The following TANC1 variants were observed in gnomAD, a reference collection of about 807,000 sequenced individuals.
TANC1 encodes the protein protein TANC1.
TANC1 carries 77 observed loss-of-function variants against 149.7 expected under a neutral mutation model. The observed-to-expected ratio is 0.51, with a 90% confidence interval of 0.43 to 0.62. The LOEUF is 0.62. Among genes scored for constraint, TANC1 ranks in the 20% least tolerant of loss-of-function variants. The pLI is 0.00. For synonymous variants in TANC1, 854 were observed against 925.0 expected, an observed-to-expected ratio of 0.92 and a Z score of 1.39; for missense variants, 1,985 against 2,321.8, an observed-to-expected ratio of 0.85 and a Z score of 2.98.
In TANC1 at chr2:159,224,229, C is replaced by T. The variant is rs929783212; in HGVS notation, c.3679-3C>T. On this transcript the variant is annotated splice_region_variant and splice_polypyrimidine_tract_variant and intron_variant, in intron 22 of 26. Coordinates refer to ENST00000263635, the MANE Select transcript of TANC1 (RefSeq NM_033394.3). ...GCTGCTTAGGCTTCTGCTGTCTCTG[C>T]AGGTGCTGTACCTGGTGGAGAAGGG... is the stretch of plus-strand genomic sequence containing the variant. The T allele has an allele frequency of 1.2e-6, 2 of 1,614,118 alleles. No individual in the cohort carries two copies. The highest frequency in any genetic ancestry group is 1.7e-6 in the Non-Finnish European group (2 of 1,180,022).
At chr2:159,036,492 A>T (rs1339000645) in intron 2 of TANC1, among the ~76,000 whole-genome samples, 1 of 152,030 alleles carries the variant, frequency 6.6e-6, no homozygotes, top group East Asian at 1.9e-4. Flanking sequence ...TATCTCTCCT[A>T]ATGCCATCCC....
chr2:159,190,616 A>C (rs1259469678), intron 16 of TANC1, among the ~76,000 whole-genome samples: 2 of 152,120 alleles, frequency 1.3e-5, no homozygotes, highest in Non-Finnish European at 2.9e-5. Context: ...CAATGGCGTG[A>C]TCTTGGCTCA....
At chr2:159,062,993 A>AAAAAAG (rs2042372105) in intron 2 of TANC1, among the ~76,000 whole-genome samples, 1 of 148,036 alleles carries the variant, frequency 6.8e-6, no homozygotes, top group Non-Finnish European at 1.5e-5. Context: ...AAAAAAAAAA[A>AAAAAAG]AAGAAAGCAA....
intron 19 of TANC1, among the ~76,000 whole-genome samples, chr2:159,209,318 G>T (rs1021351812): frequency 2.0e-5 from 3 of 152,216 alleles, no homozygotes; most frequent in African/African-American, 7.2e-5. Flanking sequence ...CTTTGTAGAG[G>T]TGAAAAATTT....
chr2:159,055,956 A>C (rs1277844008), intron 2 of TANC1: 2 of 227,726 alleles, frequency 8.8e-6, no homozygotes, highest in African/African-American at 4.6e-5. Context: ...CTAGGGACGG[A>C]TGAAACAAAA....
intron 2 of TANC1, among the ~76,000 whole-genome samples, chr2:159,028,425 CTTTACTG>C (rs1224396620): frequency 7.9e-5 from 12 of 152,072 alleles, no homozygotes; most frequent in Admixed American, 1.3e-4. Context: ...CGGGCCTATT[CTTTACTG>C]TTTATACTTC....
At chr2:159,197,142 TA>T (rs554635148) in intron 18 of TANC1, among the ~76,000 whole-genome samples, 141 of 152,366 alleles carry the variant, frequency 9.3e-4, no homozygotes, top group African/African-American at 3.2e-3. Context: ...TGTGTTCATT[TA>T]AAAATAATCA....
chr2:159,164,868 A>G (rs1167667220), intron 8 of TANC1, among the ~76,000 whole-genome samples: 1 of 152,178 alleles, frequency 6.6e-6, no homozygotes, highest in African/African-American at 2.4e-5. Flanking sequence ...GTTCCAGAAG[A>G]GGGATTTGGC....
rs142756329 is a variant in TANC1, at chr2:159,173,690, T to C, written c.1504-1263T>C. Among the ~76,000 whole-genome samples the C allele has an allele frequency of 3.9e-3, 595 of 152,288 alleles. 2 individuals carry two copies. Among genetic ancestry groups the C allele is most frequent in the African/African-American group, 0.014 (578 of 41,554 alleles). On this transcript the variant is annotated intron_variant, in intron 11 of 26. Coordinates refer to ENST00000263635, the MANE Select transcript of TANC1 (RefSeq NM_033394.3). ...TTTTGTCAAATGCCATGTGAGACTG[T>C]GGTACTGGACATCTCATGATGGTTT... is the stretch of plus-strand genomic sequence containing the variant.
At chr2:159,153,579 C>T (rs765490385) in intron 7 of TANC1, among the ~76,000 whole-genome samples, 3 of 152,296 alleles carry the variant, frequency 2.0e-5, no homozygotes, top group East Asian at 1.9e-4. Flanking sequence ...CCAAGGGACA[C>T]GCTGGAGGTG....
At chr2:159,222,723 ACCCTGTTTT>A (rs1360007938) in intron 22 of TANC1, among the ~76,000 whole-genome samples, 6 of 152,080 alleles carry the variant, frequency 3.9e-5, no homozygotes, top group Non-Finnish European at 5.9e-5. Context: ...TTTATTCAAG[ACCCTGTTTT>A]CAGTTCTTTG....
At chr2:159,201,359 C>T (rs1428548814) in intron 19 of TANC1, among the ~76,000 whole-genome samples, 1 of 152,144 alleles carries the variant, frequency 6.6e-6, no homozygotes, top group Admixed American at 6.5e-5. Flanking sequence ...CTGTTACCGA[C>T]CCTAAATGTG....
In TANC1 at chr2:159,191,353, C is replaced by T. The variant is rs140042871; in HGVS notation, c.2743-2904C>T. On this transcript the variant is annotated intron_variant, in intron 16 of 26. Coordinates refer to ENST00000263635, the MANE Select transcript of TANC1 (RefSeq NM_033394.3). ...CAGTGGACTAAGCAGGAAAACAGAG[C>T]ATGCTGAGGGATAGAGAGGGCCTGG... Among the ~76,000 whole-genome samples, 203 of 152,284 alleles carry T rather than the reference C, an allele frequency of 1.3e-3. 1 individual carries two copies. The highest frequency in any genetic ancestry group is 4.8e-3 in the African/African-American group (199 of 41,562).
rs1223187482 is a variant in TANC1 at position 159,231,160 on chromosome 2, G to A, written c.*148G>A. 50 of 587,608 alleles carry A rather than the reference G, an allele frequency of 8.5e-5. No individual in the cohort carries two copies. Among genetic ancestry groups the A allele is most frequent in the South Asian group, 2.7e-4 (10 of 36,652 alleles). 36.4% of individuals were successfully genotyped at this position (587,608 alleles called of 1,614,324 possible). ...ATGCCATTGATATATCTAAAATGTGGGATAAAACTTCTTTAATAGCTAGAA... is the reference window on the plus strand; with the variant it reads ...ATGCCATTGATATATCTAAAATGTGAGATAAAACTTCTTTAATAGCTAGAA... On this transcript the variant is annotated 3_prime_UTR_variant, in exon 27 of 27. Transcript: ENST00000263635.
intron 1 of TANC1, among the ~76,000 whole-genome samples, chr2:158,988,595 T>C (rs974628723): frequency 2.0e-5 from 3 of 152,124 alleles, no homozygotes; most frequent in African/African-American, 7.2e-5. Context: ...CTTCTTTTCC[T>C]TAGTCCCCAT....
intron 4 of TANC1, among the ~76,000 whole-genome samples, chr2:159,128,633 A>G (rs1043740980): frequency 2.6e-5 from 4 of 152,116 alleles, no homozygotes; most frequent in African/African-American, 7.2e-5. Flanking sequence ...GCCTCAACTC[A>G]GGCAAGAGAC....
intron 1 of TANC1, among the ~76,000 whole-genome samples, chr2:158,995,919 C>T (rs1426046627): frequency 6.6e-6 from 1 of 152,250 alleles, no homozygotes; most frequent in Non-Finnish European, 1.5e-5. Context: ...TGGGTGCACT[C>T]TGCCTGGTCC....
At chr2:158,987,953 G>A (rs140695414) in intron 1 of TANC1, among the ~76,000 whole-genome samples, 14 of 152,256 alleles carry the variant, frequency 9.2e-5, no homozygotes, top group African/African-American at 2.4e-4. Context: ...CGTGTGCATT[G>A]CTTTACATTA....
intron 2 of TANC1, among the ~76,000 whole-genome samples, chr2:159,038,356 G>C (rs2040368729): frequency 1.3e-5 from 2 of 152,060 alleles, no homozygotes; most frequent in Non-Finnish European, 2.9e-5. Context: ...TCTTTATCTT[G>C]TCTGATTGCC....
Sources: allele counts gnomAD v4.1 joint callset (sites outside exome capture counted in the v4.1 genomes callset), GRCh38; gene constraint gnomAD v4.1.1; transcripts MANE v1.5; gene names NCBI Gene and HGNC (gene_info 2026-07-23, HGNC 2026-07-21).